C6: variants seen among roughly 807,000 people sequenced by gnomAD.
C6 encodes the protein complement C6, also known as complement component C6.
C6 carries 101 observed loss-of-function variants against 112.9 expected under a neutral mutation model. The ratio of observed to expected loss-of-function variants is 0.89; its 90% CI spans 0.76 to 1.06. The LOEUF (loss-of-function observed/expected upper bound fraction) is 1.06. C6 is among the 50% of genes least tolerant of loss of function. The probability of loss-of-function intolerance (pLI) is 0.00; values close to 1 mark genes in which losing one functional copy is unlikely to be tolerated. For missense variants in C6, 1,202 were observed against 1,104.6 expected, an observed-to-expected ratio of 1.09 and a Z score of -1.25; for synonymous variants, 431 against 384.1, an observed-to-expected ratio of 1.12 and a Z score of -1.43.
intron 1 of C6, among the ~76,000 whole-genome samples, chr5:41,204,569 G>C (rs2150372632): frequency 6.6e-6 from 1 of 151,850 alleles, no homozygotes; most frequent in South Asian, 2.1e-4. Flanking sequence ...GATAAATCTT[G>C]GTTTAAGTCA....
upstream of C6, among the ~76,000 whole-genome samples, chr5:41,217,832 A>G (rs547104850): frequency 2.8e-4 from 42 of 152,220 alleles, no homozygotes; most frequent in South Asian, 8.7e-3. Context: ...AAAAAAGCCT[A>G]TTGAAGTCAG....
chr5:41,149,188 G>C, intron 17 of C6, 53 bp downstream of exon 17: 1 of 1,597,774 alleles, frequency 6.3e-7, no homozygotes, highest in African/African-American at 1.3e-5. Flanking sequence ...TGATGTACTA[G>C]CTGAGATGAA....
In C6 at chr5:41,176,582, T is replaced by C. The variant is rs1178552341; in HGVS notation, c.1061A>G (p.Tyr354Cys). The change falls in exon 8 of 18, where the codon TAC becomes TGC. Residue 354 changes from tyrosine (Y) to cysteine (C), a missense_variant. Tyr to Cys is a radical substitution (Grantham distance 194). Transcript: ENST00000337836. ...HLPLEYNSAL[Y>C]SRIFDDFGTH... ...CCCAAAGTCATCGAATATTCGGCTG[T>C]ACAAAGCAGAGTTGTATTCTAGAGG... 3.1e-6 allele frequency: 5 copies of C among 1,613,842 alleles called. No homozygotes were observed. Among genetic ancestry groups the C allele is most frequent in the Non-Finnish European group, 3.4e-6 (4 of 1,179,904 alleles).
At chr5:41,154,418 T>C (rs1367904055) in intron 14 of C6, among the ~76,000 whole-genome samples, 3 of 152,222 alleles carry the variant, frequency 2.0e-5, no homozygotes, top group South Asian at 2.1e-4. Context: ...CAATAAGTCT[T>C]TGGACTCTCA....
chr5:41,256,086 G>A (rs2150443820), intron 1 of C6, among the ~76,000 whole-genome samples: 1 of 152,206 alleles, frequency 6.6e-6, no homozygotes, highest in Admixed American at 6.5e-5. Flanking sequence ...ATGGTTTCCA[G>A]TTTCATCCAT....
rs2150311354 is a variant in C6, at chr5:41,176,477, G to A, written c.1166C>T (p.Ser389Leu). ...GAGTGAGGACTGAAGAAAGTTACCT[G>A]AGTTCTTTAGTTCCTCACTGCTAAA... ...YQFSSEELKN[S>L]GLTEEEAKHC... The change falls in exon 8 of 18, where the codon TCA (serine) becomes TTA (leucine). Residue 389 changes from serine (S) to leucine (L), a missense_variant and splice_region_variant. Transcript: ENST00000337836. The A allele has an allele frequency of 6.2e-7, 1 of 1,613,120 alleles. No individual in the cohort carries two copies. Among genetic ancestry groups the A allele is most frequent in the Non-Finnish European group, 8.5e-7 (1 of 1,179,314 alleles).
rs772136680 is a variant in C6, at chr5:41,186,114, T to A, written c.682A>T (p.Asn228Tyr). The change falls in exon 6 of 18, where the codon AAT (asparagine) becomes TAT (tyrosine). Residue 228 changes from asparagine (N) to tyrosine (Y), a missense_variant. By Grantham distance (143) the Asn-to-Tyr change is moderately radical. Transcript: ENST00000337836. ...CKTVKSSRTS[N>Y]PYRVPANLEN... ...AGATTGGCCGGAACACGGTATGGAT[T>A]ACTTGTCCTACTGCTTTTGACAGTT... is the stretch of plus-strand genomic sequence containing the variant. The A allele has an allele frequency of 6.2e-7, 1 of 1,614,042 alleles. No individual in the cohort carries two copies. The highest frequency in any genetic ancestry group is 1.1e-5 in the South Asian group (1 of 91,078).
rs769828883 is a variant in C6, at chr5:41,153,809, C to T, written c.2290+1G>A. On this transcript the variant is annotated splice_donor_variant, in intron 15 of 17. Transcript: ENST00000337836. LOFTEE classifies it high-confidence loss of function. Reference sequence around the variant, plus strand: ...CCCCAGAACACTGAGCTGCTACTCACCTTTTTCACAGGTGAGAGAGTTTGA... The same window carrying T: ...CCCCAGAACACTGAGCTGCTACTCATCTTTTTCACAGGTGAGAGAGTTTGA... The T allele has an allele frequency of 6.2e-7, 1 of 1,611,322 alleles. No individual in the cohort carries two copies. Among genetic ancestry groups the T allele is most frequent in the South Asian group, 1.1e-5 (1 of 91,010 alleles).
chr5:41,193,073 G>C (rs993435469), intron 5 of C6, among the ~76,000 whole-genome samples: 2 of 152,196 alleles, frequency 1.3e-5, no homozygotes, highest in Non-Finnish European at 2.9e-5. Flanking sequence ...TTTAAAATGA[G>C]TGAATTCTGT....
chr5:41,208,254 C>T (rs1218693270), intron 1 of C6, among the ~76,000 whole-genome samples: 2 of 152,048 alleles, frequency 1.3e-5, no homozygotes, highest in Non-Finnish European at 1.5e-5. Flanking sequence ...ACTAAATGCC[C>T]ACAAGAGAAA....
chr5:41,172,539 G>T (rs1748516463), intron 8 of C6, 192 bp from the exon 9 acceptor site: 4 of 632,652 alleles, frequency 6.3e-6, no homozygotes, highest in Non-Finnish European at 1.1e-5. Context: ...GCCCAGAGAT[G>T]ATCCTGAACA....
chr5:41,209,828 G>A (rs1308996750), intron 1 of C6, among the ~76,000 whole-genome samples: 17 of 152,152 alleles, frequency 1.1e-4, no homozygotes, highest in Admixed American at 2.0e-4. Flanking sequence ...TCCCCATCAA[G>A]CTACAAATGA....
chr5:41,183,294 C>T (rs1749493232), intron 6 of C6, among the ~76,000 whole-genome samples: 1 of 151,984 alleles, frequency 6.6e-6, no homozygotes, highest in Non-Finnish European at 1.5e-5. Flanking sequence ...GCAATTATAA[C>T]CTTTGTTTTT....
At chr5:41,151,489 A>C (rs995260107) in intron 15 of C6, among the ~76,000 whole-genome samples, 1 of 152,204 alleles carries the variant, frequency 6.6e-6, no homozygotes, top group African/African-American at 2.4e-5. Flanking sequence ...CCTACTGTAG[A>C]TGTTGAATTT....
chr5:41,205,940 C>T (rs181523155), intron 1 of C6, among the ~76,000 whole-genome samples: 40 of 152,276 alleles, frequency 2.6e-4, no homozygotes, highest in African/African-American at 5.5e-4. Flanking sequence ...CCCTGACCCC[C>T]GAGTAGCCTA....
chr5:41,153,890 A>C lies in C6; in HGVS notation c.2210T>G (p.Val737Gly), dbSNP rs1561097816. 1.2e-6 allele frequency: 2 copies of C among 1,613,784 alleles called. No individual in the cohort carries two copies. The highest frequency in any genetic ancestry group is 3.3e-5 in the Admixed American group (2 of 59,976). Reference sequence around the variant, plus strand: ...TGTGTACCTTGATGGCCCAGCAACAACAAAGCCTTTGGGGCAAGTTAGCTC... The same window carrying C: ...TGTGTACCTTGATGGCCCAGCAACACCAAAGCCTTTGGGGCAAGTTAGCTC... ...SIELTCPKGF[V>G]VAGPSRYTCQ... is the part of the protein sequence containing the mutation. Residue 737 changes from valine (V) to glycine (G), a missense_variant, in exon 15 of 18, where the codon GTT becomes GGT. Physicochemically the swap from Val to Gly is moderately radical, Grantham distance 109. Coordinates refer to ENST00000337836, the MANE Select transcript of C6 (RefSeq NM_000065.5).
chr5:41,167,134 G>A (rs1054302675), intron 9 of C6, among the ~76,000 whole-genome samples: 1 of 151,974 alleles, frequency 6.6e-6, no homozygotes, highest in African/African-American at 2.4e-5. Flanking sequence ...TACAGCCTCA[G>A]GCTGGAGAGA....
intron 1 of C6, among the ~76,000 whole-genome samples, chr5:41,208,139 G>A (rs1478151089): frequency 1.3e-5 from 2 of 152,162 alleles, no homozygotes; most frequent in African/African-American, 2.4e-5. Context: ...ATAACGAAAT[G>A]AAGCCAGAAA....
At chr5:41,195,292 G>A (rs1046380078) in intron 5 of C6, among the ~76,000 whole-genome samples, 60 of 151,872 alleles carry the variant, frequency 4.0e-4, no homozygotes, top group Non-Finnish European at 4.4e-5. Context: ...CTCATTATTT[G>A]ACTCTGGGTT....
Sources: allele counts gnomAD v4.1 joint callset (sites outside exome capture counted in the v4.1 genomes callset), GRCh38; gene constraint gnomAD v4.1.1; transcripts MANE v1.5; gene names NCBI Gene and HGNC (gene_info 2026-07-23, HGNC 2026-07-21).